AK8: variants seen among roughly 807,000 people sequenced by gnomAD.
AK8 encodes the protein ATP-AMP transphosphorylase 8.
AK8 carries 44 observed loss-of-function variants against 54.6 expected under a neutral mutation model. That is an observed-to-expected ratio of 0.81 (90% confidence interval 0.63 to 1.04). The LOEUF is 1.04. Among genes scored for constraint, AK8 ranks in the 50% least tolerant of loss-of-function variants. AK8 has a pLI of 0.00. For synonymous variants in AK8, 239 were observed against 245.6 expected, an observed-to-expected ratio of 0.97 and a Z score of 0.25; for missense variants, 555 against 613.6, an observed-to-expected ratio of 0.90 and a Z score of 1.01.
intron 11 of AK8, among the ~76,000 whole-genome samples, chr9:132,782,193 C>T (rs1839504990): frequency 1.3e-5 from 2 of 152,236 alleles, no homozygotes; most frequent in South Asian, 2.1e-4. Flanking sequence ...CTCCTGTGTG[C>T]TTTTCCTCCC....
At chr9:132,744,066 C>G (rs1452869660) in intron 11 of AK8, among the ~76,000 whole-genome samples, 1 of 152,188 alleles carries the variant, frequency 6.6e-6, no homozygotes, top group Non-Finnish European at 1.5e-5. Context: ...TATGTGCCCC[C>G]ACTCTCCCGG....
At chr9:132,874,676 T>G (rs972912580) in intron 2 of AK8, among the ~76,000 whole-genome samples, 4 of 152,180 alleles carry the variant, frequency 2.6e-5, no homozygotes, top group African/African-American at 9.7e-5. Context: ...CAGGCTCCGA[T>G]AATGAGACCG....
At chr9:132,760,072 C>T (rs897078302) in intron 11 of AK8, among the ~76,000 whole-genome samples, 6 of 152,198 alleles carry the variant, frequency 3.9e-5, no homozygotes, top group African/African-American at 1.2e-4. Flanking sequence ...TTGCCTCCCT[C>T]TTAGGGATTC....
At chr9:132,766,671 A>G (rs953822928) in intron 11 of AK8, among the ~76,000 whole-genome samples, 3 of 152,240 alleles carry the variant, frequency 2.0e-5, no homozygotes, top group Non-Finnish European at 2.9e-5. Context: ...TGAACTATGG[A>G]ACATTCCAAA....
intron 11 of AK8, among the ~76,000 whole-genome samples, chr9:132,789,091 C>T (rs976490100): frequency 1.3e-5 from 2 of 151,786 alleles, no homozygotes; most frequent in African/African-American, 4.8e-5. Context: ...GTCAGGAGAT[C>T]GAGACCATCC....
chr9:132,835,218 C>A (rs1157972131), intron 5 of AK8, among the ~76,000 whole-genome samples: 4 of 152,076 alleles, frequency 2.6e-5, no homozygotes, highest in African/African-American at 4.8e-5. Context: ...AATTTAAATT[C>A]CTATCAAGTA....
chr9:132,796,388 A>C (rs1221737946), intron 10 of AK8, among the ~76,000 whole-genome samples: 3 of 152,244 alleles, frequency 2.0e-5, no homozygotes, highest in African/African-American at 7.2e-5. Flanking sequence ...AGAATTTCCC[A>C]ACTTGCATCA....
chr9:132,768,204 A>G (rs1838803889), intron 11 of AK8, among the ~76,000 whole-genome samples: 1 of 152,216 alleles, frequency 6.6e-6, no homozygotes, highest in African/African-American at 2.4e-5. Context: ...GAAATATCAC[A>G]TGTACCCTCA....
chr9:132,780,753 GA>G (rs1224709919), intron 11 of AK8, among the ~76,000 whole-genome samples: 1 of 152,166 alleles, frequency 6.6e-6, no homozygotes, highest in African/African-American at 2.4e-5. Flanking sequence ...GCAGTCCAAT[GA>G]AGAGAGAAAA....
In AK8 at chr9:132,752,028, G is replaced by C. The variant is rs1273618465; in HGVS notation, c.1122-24494C>G. The stretch of plus-strand genomic sequence containing the variant: ...TAATTTTTTTTGTATTTTTAGTAGA[G>C]ATGGGGTTTCATCATGTTGGTCAGG... On this transcript the variant is annotated intron_variant, in intron 11 of 12. Coordinates refer to ENST00000298545, the MANE Select transcript of AK8 (RefSeq NM_152572.3). Among the ~76,000 whole-genome samples the C allele has an allele frequency of 2.6e-5, 4 of 151,766 alleles. 1 individual carries two copies. Among genetic ancestry groups the C allele is most frequent in the Admixed American group, 2.6e-4 (4 of 15,204 alleles).
At position 132,781,159 on chromosome 9, in the gene AK8, G is replaced by C. The variant is rs1018688379; in HGVS notation, c.1121+11475C>G. ...CAGCCATGAACATAGTTCTTTCTTTGTTTCTTTCTTTCTTTCTTTTTTTTT... is the reference window on the plus strand; with the variant it reads ...CAGCCATGAACATAGTTCTTTCTTTCTTTCTTTCTTTCTTTCTTTTTTTTT... On this transcript the variant is annotated intron_variant, in intron 11 of 12. Transcript: ENST00000298545. This position sits in a 1 kb window ranked among gnomAD's most constrained non-coding sequence, Gnocchi z 4.6. 1.7e-4 allele frequency among the ~76,000 whole-genome samples: 26 copies of C among 151,878 alleles called. No homozygotes were observed. Among genetic ancestry groups the C allele is most frequent in the South Asian group, 2.1e-4 (1 of 4,816 alleles).
chr9:132,748,957 C>T (rs1837778366), intron 11 of AK8, among the ~76,000 whole-genome samples: 1 of 151,878 alleles, frequency 6.6e-6, no homozygotes, highest in African/African-American at 2.4e-5. Flanking sequence ...TCACTGCAAC[C>T]TCCGCCTCCC....
chr9:132,827,503 C>T (rs146228597), intron 7 of AK8: 4 of 217,952 alleles, frequency 1.8e-5, no homozygotes, highest in Non-Finnish European at 2.8e-5. Flanking sequence ...CAGCGTGAGG[C>T]CCGGAAGATC....
In AK8 at chr9:132,815,280, T is replaced by C. The variant is rs541049288; in HGVS notation, c.890-553A>G. On this transcript the variant is annotated intron_variant, in intron 9 of 12. Coordinates refer to ENST00000298545, the MANE Select transcript of AK8 (RefSeq NM_152572.3). ...ATATTCCAAGTGGGCTGACTCATCA[T>C]TAAAGGGCACCATGTGGCTGTAATC... Among the ~76,000 whole-genome samples, 278 of 152,322 alleles carry C rather than the reference T, an allele frequency of 1.8e-3. 2 individuals carry two copies. Among genetic ancestry groups the C allele is most frequent in the African/African-American group, 6.2e-3 (256 of 41,564 alleles).
chr9:132,824,438 G>A (rs1309857527), intron 8 of AK8, among the ~76,000 whole-genome samples: 2 of 152,166 alleles, frequency 1.3e-5, no homozygotes, highest in Admixed American at 6.5e-5. Flanking sequence ...CCAGGCCATC[G>A]TGCCTCCTTC....
intron 10 of AK8, among the ~76,000 whole-genome samples, chr9:132,806,101 C>CGTGTGT (rs5900993): frequency 0.01 from 1,515 of 148,660 alleles, 17 homozygotes; most frequent in African/African-American, 0.027. Flanking sequence ...TACTGCTTGG[C>CGTGTGT]GTGTGTGTGT....
intron 11 of AK8, among the ~76,000 whole-genome samples, chr9:132,746,043 C>T (rs543979988): frequency 1.2e-4 from 18 of 152,278 alleles, no homozygotes; most frequent in Admixed American, 5.2e-4. Flanking sequence ...GCTGGAGCAA[C>T]GGGGATGTCG....
At position 132,814,739 on chromosome 9, in the gene AK8, G is replaced by A. The variant is rs765963825; in HGVS notation, c.890-12C>T. ...TTGCCCACAGCAGACTGAAGGAGAG[G>A]GGAACAGAAAGACACCCATTAAATT... On this transcript the variant is annotated splice_polypyrimidine_tract_variant and intron_variant, in intron 9 of 12. Coordinates refer to ENST00000298545, the MANE Select transcript of AK8 (RefSeq NM_152572.3). 2 of 1,611,996 alleles carry A rather than the reference G, an allele frequency of 1.2e-6. No homozygotes were observed. Among genetic ancestry groups the A allele is most frequent in the African/African-American group, 2.7e-5 (2 of 74,736 alleles).
chr9:132,737,403 T>C (rs1171437137), intron 11 of AK8, among the ~76,000 whole-genome samples: 7 of 152,206 alleles, frequency 4.6e-5, no homozygotes, highest in African/African-American at 1.4e-4. Context: ...CAGCTTTTCC[T>C]TGATACCAAA....
Sources: gnomAD v4.1 joint callset for allele counts (sites outside exome capture counted in the v4.1 genomes callset) on GRCh38, gnomAD v4.1.1 for gene constraint, Gnocchi (gnomAD v3.1) non-coding constraint, MANE v1.5 for transcripts, NCBI Gene and HGNC (gene_info 2026-07-23, HGNC 2026-07-21) for gene names.